Variants in CPO observed in about 807,000 individuals in gnomAD.
CPO encodes the protein carboxypeptidase O.
CPO carries 43 observed loss-of-function variants against 41.2 expected under a neutral mutation model. The ratio of observed to expected loss-of-function variants is 1.04; its 90% confidence interval spans 0.82 to 1.35. CPO has a LOEUF of 1.35. Ranked by LOEUF, CPO falls within the 40% of genes most tolerant of loss-of-function variation. The pLI, the probability that CPO is intolerant of heterozygous loss-of-function variation, is 0.00. For synonymous variants in CPO, 178 were observed against 162.7 expected, an observed-to-expected ratio of 1.09 and a Z score of -0.72; for missense variants, 408 against 451.7, an observed-to-expected ratio of 0.90 and a Z score of 0.88.
intron 6 of CPO, 55 bp from the exon 7 acceptor site, chr2:206,962,357 G>C (rs1324400820): frequency 1.3e-6 from 2 of 1,526,646 alleles, no homozygotes; most frequent in South Asian, 2.2e-5. Context: ...CTTGCCATTG[G>C]TCATTTCCAA....
At chr2:206,958,974 C>T (rs1290776691) in intron 4 of CPO, among the ~76,000 whole-genome samples, 1 of 151,984 alleles carries the variant, frequency 6.6e-6, no homozygotes, top group East Asian at 1.9e-4. Context: ...CCCCCGACCT[C>T]AGGTGATCCA....
At chr2:206,943,915 T>G (rs1472113309) in intron 1 of CPO, among the ~76,000 whole-genome samples, 2 of 152,134 alleles carry the variant, frequency 1.3e-5, no homozygotes, top group Non-Finnish European at 1.5e-5. Flanking sequence ...CTCCTGACCT[T>G]AAAACAGTTT....
chr2:206,963,578 A>G (rs367638519), intron 7 of CPO, among the ~76,000 whole-genome samples: 9 of 152,312 alleles, frequency 5.9e-5, no homozygotes, highest in Admixed American at 2.0e-4. Context: ...CATACCTCAT[A>G]TAAGGGAACC....
chr2:206,953,939 G>C (rs548356966), intron 2 of CPO, among the ~76,000 whole-genome samples: 1 of 152,182 alleles, frequency 6.6e-6, no homozygotes, highest in Non-Finnish European at 1.5e-5. Context: ...ACCCTCTGAA[G>C]CCATGGCCTG....
chr2:206,963,494 C>G (rs1454554579), intron 7 of CPO, among the ~76,000 whole-genome samples: 2 of 152,148 alleles, frequency 1.3e-5, no homozygotes, highest in African/African-American at 4.8e-5. Flanking sequence ...TATTAAACAA[C>G]TTTCCATTTC....
At chr2:206,948,806 T>C (rs1230844628) in intron 1 of CPO, among the ~76,000 whole-genome samples, 2 of 152,176 alleles carry the variant, frequency 1.3e-5, no homozygotes, top group Non-Finnish European at 2.9e-5. Flanking sequence ...ATGGTAAATA[T>C]GTGTCACCAA....
chr2:206,964,529 G>A lies in CPO; in HGVS notation c.777+1915G>A, dbSNP rs558849339. On this transcript the variant is annotated intron_variant, in intron 7 of 8. Coordinates refer to ENST00000272852, the MANE Select transcript of CPO (RefSeq NM_173077.3). ...GAACTCATGTCTTTAGACTCCAGAGGCCACATTCATCATCCCACTACCTCG... is the reference window on the plus strand; with the variant it reads ...GAACTCATGTCTTTAGACTCCAGAGACCACATTCATCATCCCACTACCTCG... 2.1e-3 allele frequency among the ~76,000 whole-genome samples: 320 copies of A among 152,246 alleles called. 2 individuals carry two copies. Among genetic ancestry groups the A allele is most frequent in the South Asian group, 4.4e-3 (21 of 4,816 alleles).
chr2:206,949,538 A>G, intron 1 of CPO, 79 bp from the exon 2 acceptor site: 1 of 976,606 alleles, frequency 1.0e-6, no homozygotes, highest in Non-Finnish European at 1.6e-6. Flanking sequence ...TGATTCTACT[A>G]CCTTTTTCAA....
chr2:206,957,737 C>T (rs1693396727), intron 3 of CPO, among the ~76,000 whole-genome samples: 1 of 152,166 alleles, frequency 6.6e-6, no homozygotes, highest in Admixed American at 6.5e-5. Flanking sequence ...AGGCTGCACT[C>T]ATGTACAAGA....
At position 206,954,140 on chromosome 2, in the gene CPO, T is replaced by G. The variant is rs1370105485; in HGVS notation, c.166-1323T>G. Among the ~76,000 whole-genome samples the G allele has an allele frequency of 4.6e-5, 7 of 152,312 alleles. No individual in the cohort carries two copies. The South Asian group carries it at 1.2e-3, about 27-fold the overall frequency. On this transcript the variant is annotated intron_variant, in intron 2 of 8. Coordinates refer to ENST00000272852, the MANE Select transcript of CPO (RefSeq NM_173077.3). ...ACATGCCCTGGAGACATTTTCCCATTGTCTTGGTGATTAATAATTGACTCC... is the reference window on the plus strand; with the variant it reads ...ACATGCCCTGGAGACATTTTCCCATGGTCTTGGTGATTAATAATTGACTCC...
intron 8 of CPO, among the ~76,000 whole-genome samples, chr2:206,968,563 C>T (rs557266672): frequency 1.8e-4 from 28 of 152,246 alleles, no homozygotes; most frequent in African/African-American, 5.8e-4. Context: ...AGAATTAATG[C>T]GTTGGCTCAG....
rs115256211 is a variant in CPO at position 206,960,950 on chromosome 2, C to T, written c.574+8C>T. ...TCAATGCATCTTGGTGTAGTAAGTA[C>T]ATGCTTAGTAGATGAATTATGAACA... On this transcript the variant is annotated splice_region_variant and intron_variant, in intron 6 of 8. Transcript: ENST00000272852. 1.0e-3 allele frequency: 1,559 copies of T among 1,514,342 alleles called. 14 individuals are homozygous for T. In the African/African-American group the frequency reaches 0.019, roughly 18 times the overall value. 93.8% of individuals were successfully genotyped at this position (1,514,342 alleles called of 1,614,324 possible). A position where few individuals can be genotyped will look rare whatever the true frequency, so the allele number is the denominator to read the frequency against.
chr2:206,959,584 G>T (rs780385903), intron 4 of CPO, 47 bp from the exon 5 acceptor site: 5 of 892,874 alleles, frequency 5.6e-6, no homozygotes, highest in Non-Finnish European at 9.4e-6. Context: ...AATTAAGAGA[G>T]AAAAGATCTC....
At position 206,960,893 on chromosome 2, in the gene CPO, C is replaced by T. The variant is rs1693466179; in HGVS notation, c.525C>T (p.Gly175=). 6.2e-7 allele frequency: 1 copy of T among 1,613,772 alleles called. No individual in the cohort carries two copies. The highest frequency in any genetic ancestry group is 8.5e-7 in the Non-Finnish European group (1 of 1,179,674). Reference sequence around the variant, plus strand: ...AATCCCGTTCACCCCATAATAATGGCACATGTTTTGGGACGGATCTCAATC... The same window carrying T: ...AATCCCGTTCACCCCATAATAATGGTACATGTTTTGGGACGGATCTCAATC... The part of the protein sequence containing the change: ...WRKSRSPHNN[G]TCFGTDLNRN... The change falls in exon 6 of 9, where the codon GGC becomes GGT. Residue 175 remains glycine (G), a synonymous_variant. Transcript: ENST00000272852.
intron 2 of CPO, among the ~76,000 whole-genome samples, chr2:206,954,917 G>A (rs1340863013): frequency 6.6e-6 from 1 of 152,152 alleles, no homozygotes; most frequent in African/African-American, 2.4e-5. Flanking sequence ...TCACTATCAT[G>A]AGAACAGCAT....
At position 206,958,418 on chromosome 2, in the gene CPO, A is replaced by G; in HGVS notation, c.372+13A>G. ...GTTCGTCAAAGAAGTAAGTGTCTTTAGCTTTCTCATACTGGTAAATCACCC... is the reference window on the plus strand; with the variant it reads ...GTTCGTCAAAGAAGTAAGTGTCTTTGGCTTTCTCATACTGGTAAATCACCC... On this transcript the variant is annotated intron_variant, in intron 4 of 8. Coordinates refer to ENST00000272852, the MANE Select transcript of CPO (RefSeq NM_173077.3). 1.4e-6 allele frequency: 2 copies of G among 1,436,456 alleles called. No homozygotes were observed. The highest frequency in any genetic ancestry group is 1.9e-6 in the Non-Finnish European group (2 of 1,030,204). 89.0% of individuals were successfully genotyped at this position (1,436,456 alleles called of 1,614,324 possible). A position where few individuals can be genotyped will look rare whatever the true frequency, so the allele number is the denominator to read the frequency against.
intron 1 of CPO, among the ~76,000 whole-genome samples, chr2:206,947,997 C>A (rs2105820290): frequency 6.6e-6 from 1 of 152,284 alleles, no homozygotes; most frequent in East Asian, 1.9e-4. Context: ...ATGGTACAGC[C>A]ACTTTGGAAG....
chr2:206,962,306 G>T, intron 6 of CPO, 106 bp from the exon 7 acceptor site: 3 of 955,856 alleles, frequency 3.1e-6, no homozygotes, highest in Non-Finnish European at 4.9e-6. Flanking sequence ...CCAAGGGCAA[G>T]CGCTGATTCT....
chr2:206,961,752 G>A (rs1363322099), intron 6 of CPO, among the ~76,000 whole-genome samples: 1 of 152,018 alleles, frequency 6.6e-6, no homozygotes, highest in Admixed American at 6.6e-5. Flanking sequence ...AGGAACCCAA[G>A]AACTGCTTTC....
Sources: gnomAD v4.1 joint callset for allele counts (sites outside exome capture counted in the v4.1 genomes callset) on GRCh38, gnomAD v4.1.1 for gene constraint, MANE v1.5 for transcripts, NCBI Gene and HGNC (gene_info 2026-07-23, HGNC 2026-07-21) for gene names.